TM9SF2: variants seen among roughly 807,000 people sequenced by gnomAD.
The protein encoded by TM9SF2 is 76 kDa membrane protein.
TM9SF2 carries 13 observed loss-of-function variants against 84.9 expected under a neutral mutation model. The observed-to-expected ratio is 0.15, with a 90% CI of 0.10 to 0.24. The LOEUF (loss-of-function observed/expected upper bound fraction) is 0.24. Ranked by LOEUF, TM9SF2 falls within the 10% of genes least tolerant of loss-of-function variation. The pLI is 1.00. For missense variants in TM9SF2, 562 were observed against 818.5 expected, an observed-to-expected ratio of 0.69 and a Z score of 3.82; for synonymous variants, 273 against 285.8, an observed-to-expected ratio of 0.96 and a Z score of 0.45.
At chr13:99,535,432 T>C (rs191698578) in intron 4 of TM9SF2, among the ~76,000 whole-genome samples, 11 of 152,340 alleles carry the variant, frequency 7.2e-5, no homozygotes, top group African/African-American at 2.6e-4. Context: ...ATCTAAAAAA[T>C]TAAAGCAATT....
chr13:99,513,928 G>C (rs939715874), intron 1 of TM9SF2, among the ~76,000 whole-genome samples: 6 of 152,116 alleles, frequency 3.9e-5, no homozygotes, highest in Admixed American at 3.9e-4. Context: ...ATTACTCTCT[G>C]GCCCTTTACA....
At chr13:99,542,401 C>A (rs1159149123) in intron 9 of TM9SF2, among the ~76,000 whole-genome samples, 1 of 152,110 alleles carries the variant, frequency 6.6e-6, no homozygotes. Context: ...TCATTTCAAC[C>A]TTTTGATATA....
chr13:99,508,441 A>ACACACACACACACC (rs893789204), intron 1 of TM9SF2, among the ~76,000 whole-genome samples: 2 of 148,930 alleles, frequency 1.3e-5, no homozygotes, highest in South Asian at 2.1e-4. Context: ...ACACACACAC[A>ACACACACACACACC]CACCCCAGAG....
intron 16 of TM9SF2, among the ~76,000 whole-genome samples, chr13:99,562,059 G>C (rs1331226715): frequency 1.3e-5 from 2 of 152,178 alleles, no homozygotes. Context: ...TTTCTCCCTA[G>C]TTAATATGAT....
intron 9 of TM9SF2, among the ~76,000 whole-genome samples, chr13:99,543,526 A>G (rs1290071708): frequency 1.3e-5 from 2 of 152,250 alleles, no homozygotes; most frequent in African/African-American, 4.8e-5. Flanking sequence ...GATGAAGAGG[A>G]TAGAATGTGA....
At position 99,541,630 on chromosome 13, in the gene TM9SF2, A is replaced by G; in HGVS notation, c.980A>G (p.His327Arg). The G allele has an allele frequency of 6.2e-7, 1 of 1,613,166 alleles. No homozygotes were observed. Residue 327 changes from histidine (H) to arginine (R), a missense_variant, in exon 9 of 17, where the codon CAC becomes CGC. Transcript: ENST00000376387. The part of the protein sequence containing the change: ...MVAMIMLRTL[H>R]KDIARYNQMD... ...GCTATGATTATGTTACGGACACTGCACAAAGATATTGCTAGATATAATCAG... is the reference window on the plus strand; with the variant it reads ...GCTATGATTATGTTACGGACACTGCGCAAAGATATTGCTAGATATAATCAG...
chr13:99,501,817 A>G, intron 1 of TM9SF2, 40 bp downstream of exon 1: 2 of 1,576,236 alleles, frequency 1.3e-6, no homozygotes, highest in Non-Finnish European at 1.7e-6. Flanking sequence ...CACTGTTGGA[A>G]GGGGAAGTCG....
Position 99,539,573 on chromosome 13 carries a change from T to C in TM9SF2, c.828+16T>C, listed in dbSNP as rs558760006. 22 of 1,436,320 alleles carry C rather than the reference T, an allele frequency of 1.5e-5. No homozygotes were observed. The South Asian group carries it at 2.2e-4, about 14-fold the overall frequency. The allele number at this position is 1,436,320 out of a possible 1,614,324, so 89.0% of individuals were successfully genotyped here. A position where few individuals can be genotyped will look rare whatever the true frequency, so the allele number is the denominator to read the frequency against. ...TAGCTTCGAGGTGAGTCTGTTGTTA[T>C]CTTTAGTATAACTCTGAAATTGATT... On this transcript the variant is annotated intron_variant, in intron 7 of 16. Transcript: ENST00000376387.
chr13:99,549,189 CAA>C lies in TM9SF2; in HGVS notation c.1297_1298del (p.Asn433CysfsTer15). On this transcript the variant is annotated frameshift_variant, in exon 12 of 17. Transcript: ENST00000376387. LOFTEE classifies it high-confidence loss of function. ...GCCTTTGGAGGTGAGAAGTGGAAAA[CAA>C]ATGTTTTATTAACATCATTTCTTTG... The C allele has an allele frequency of 6.2e-7, 1 of 1,613,152 alleles. No individual in the cohort carries two copies. The highest frequency in any genetic ancestry group is 8.5e-7 in the Non-Finnish European group (1 of 1,179,556).
chr13:99,559,008 A>T (rs1010260976), intron 15 of TM9SF2, among the ~76,000 whole-genome samples: 3 of 152,236 alleles, frequency 2.0e-5, no homozygotes, highest in African/African-American at 7.2e-5. Context: ...TAATACAAGT[A>T]GTATTAATGT....
At chr13:99,555,060 C>T (rs370697716) in intron 14 of TM9SF2, among the ~76,000 whole-genome samples, 3 of 152,072 alleles carry the variant, frequency 2.0e-5, no homozygotes, top group Admixed American at 6.5e-5. Flanking sequence ...ATCACATTGA[C>T]GTATGTTACA....
intron 3 of TM9SF2, among the ~76,000 whole-genome samples, chr13:99,521,667 G>A (rs9585111): frequency 6.6e-6 from 1 of 152,046 alleles, no homozygotes; most frequent in Admixed American, 6.6e-5. Flanking sequence ...AAGTTGATTG[G>A]TTTTGACTGT....
At chr13:99,550,500 G>A (rs1035484712) in intron 12 of TM9SF2, among the ~76,000 whole-genome samples, 2 of 152,100 alleles carry the variant, frequency 1.3e-5, no homozygotes, top group Non-Finnish European at 2.9e-5. Flanking sequence ...ATTATCCTGT[G>A]CTGGTTCTTC....
At chr13:99,540,079 A>C (rs1288987490) in intron 7 of TM9SF2, among the ~76,000 whole-genome samples, 1 of 152,212 alleles carries the variant, frequency 6.6e-6, no homozygotes, top group Non-Finnish European at 1.5e-5. Flanking sequence ...CTTTAAATGA[A>C]GAGTTTCCGA....
chr13:99,511,035 C>G (rs1193976139), intron 1 of TM9SF2, among the ~76,000 whole-genome samples: 2 of 152,044 alleles, frequency 1.3e-5, no homozygotes, highest in African/African-American at 4.8e-5. Flanking sequence ...GATCATCGTT[C>G]CTGCTCCTGG....
At chr13:99,511,078 A>C (rs2046111714) in intron 1 of TM9SF2, among the ~76,000 whole-genome samples, 1 of 151,954 alleles carries the variant, frequency 6.6e-6, no homozygotes. Context: ...TACTTTTTAA[A>C]TCTTTCTTAT....
intron 11 of TM9SF2, among the ~76,000 whole-genome samples, chr13:99,547,637 C>T (rs2046288391): frequency 6.6e-6 from 1 of 152,178 alleles, no homozygotes. Flanking sequence ...GTCACAATCT[C>T]TTGTGTTCTT....
At chr13:99,515,131 C>T (rs1241303535) in intron 1 of TM9SF2, among the ~76,000 whole-genome samples, 2 of 152,174 alleles carry the variant, frequency 1.3e-5, no homozygotes, top group African/African-American at 4.8e-5. Context: ...TATGTGTTGA[C>T]AGTGCTGTAC....
intron 1 of TM9SF2, among the ~76,000 whole-genome samples, chr13:99,516,284 G>A (rs968380521): frequency 1.3e-5 from 2 of 152,164 alleles, no homozygotes; most frequent in African/African-American, 4.8e-5. Flanking sequence ...CTTGCTTTGG[G>A]GGATGTTAGC....
Sources: gnomAD v4.1 joint callset for allele counts (sites outside exome capture counted in the v4.1 genomes callset) on GRCh38, gnomAD v4.1.1 for gene constraint, MANE v1.5 for transcripts, NCBI Gene and HGNC (gene_info 2026-07-23, HGNC 2026-07-21) for gene names.